Variants in GAREM1 observed in about 807,000 individuals in gnomAD.
GAREM1 encodes the protein GRB2 associated regulator of MAPK1 subtype 1.
In GAREM1, 26 loss-of-function variants were observed where a neutral mutation model predicts 71.3. The observed-to-expected ratio is 0.36, with a 90% CI of 0.27 to 0.51. GAREM1 has a LOEUF of 0.51. Ranked by LOEUF, GAREM1 falls within the 20% of genes least tolerant of loss-of-function variation. GAREM1 has a pLI of 0.95. For synonymous variants in GAREM1, 440 were observed against 433.2 expected, an observed-to-expected ratio of 1.02 and a Z score of -0.20; for missense variants, 1,026 against 1,103.1, an observed-to-expected ratio of 0.93 and a Z score of 0.99.
intron 3 of GAREM1, among the ~76,000 whole-genome samples, chr18:32,298,624 C>T (rs2047166553): frequency 6.6e-6 from 1 of 152,160 alleles, no homozygotes. Context: ...CATTTTGAAA[C>T]ACTGACGTAA....
chr18:32,454,489 T>G, intron 1 of GAREM1, among the ~76,000 whole-genome samples: 1 of 152,236 alleles, frequency 6.6e-6, no homozygotes, highest in East Asian at 1.9e-4. Flanking sequence ...GATTAAGTAG[T>G]ATAGCCAAAT....
chr18:32,336,831 C>T (rs927216843), intron 2 of GAREM1, among the ~76,000 whole-genome samples: 10 of 152,176 alleles, frequency 6.6e-5, no homozygotes, highest in Admixed American at 2.6e-4. Context: ...ACCAGCCCTT[C>T]GGTAAAACTA....
At position 32,340,093 on chromosome 18, in the gene GAREM1, C is replaced by G. The variant is rs934689517; in HGVS notation, c.263-29770G>C. On this transcript the variant is annotated intron_variant, in intron 2 of 5. Coordinates refer to ENST00000269209, the MANE Select transcript of GAREM1 (RefSeq NM_001242409.2). The stretch of plus-strand genomic sequence containing the variant: ...CCCTGTTCTCCAGTGGCACTTCTTG[C>G]ATGTCCTCATGGAGCTTATGTTCTC... Among the ~76,000 whole-genome samples, 13 of 152,212 alleles carry G rather than the reference C, an allele frequency of 8.5e-5. 1 individual carries two copies. Among genetic ancestry groups the G allele is most frequent in the Admixed American group, 8.5e-4 (13 of 15,280 alleles).
At position 32,348,130 on chromosome 18, in the gene GAREM1, A is replaced by G. The variant is rs917289679; in HGVS notation, c.263-37807T>C. ...GCTCTAAAAATTATCAAAAGGATAC[A>G]TTTGCCATAGAGCAATGCTAGGAGG... is the stretch of plus-strand genomic sequence containing the variant. On this transcript the variant is annotated intron_variant, in intron 2 of 5. Transcript: ENST00000269209. Among the ~76,000 whole-genome samples the G allele has an allele frequency of 2.0e-5, 3 of 152,328 alleles. No homozygotes were observed. The East Asian group carries it at 5.8e-4, about 29-fold the overall frequency.
chr18:32,463,849 G>A (rs1249181060), intron 1 of GAREM1, among the ~76,000 whole-genome samples: 1 of 151,762 alleles, frequency 6.6e-6, no homozygotes, highest in Non-Finnish European at 1.5e-5. Flanking sequence ...GATTACAGGC[G>A]TGAGCCACTG....
chr18:32,342,015 GA>G (rs71384937), intron 2 of GAREM1, among the ~76,000 whole-genome samples: 2 of 149,336 alleles, frequency 1.3e-5, no homozygotes, highest in African/African-American at 4.9e-5. Flanking sequence ...CACCAAAAAA[GA>G]AAAAAAAAGG....
intron 2 of GAREM1, among the ~76,000 whole-genome samples, chr18:32,318,566 T>C (rs1016046645): frequency 2.0e-5 from 3 of 152,212 alleles, no homozygotes; most frequent in East Asian, 3.9e-4. Context: ...GTCTGTCCAG[T>C]TTGCTTCTGG....
chr18:32,395,194 T>C (rs1227682358), intron 1 of GAREM1, among the ~76,000 whole-genome samples: 1 of 152,152 alleles, frequency 6.6e-6, no homozygotes, highest in Non-Finnish European at 1.5e-5. Context: ...GCTCTTCCAA[T>C]GCCACAATGT....
chr18:32,395,753 C>T lies in GAREM1; in HGVS notation c.122-2718G>A, dbSNP rs555717591. Among the ~76,000 whole-genome samples, 465 of 152,266 alleles carry T rather than the reference C, an allele frequency of 3.1e-3. 5 individuals are homozygous for T. The highest frequency in any genetic ancestry group is 0.011 in the African/African-American group (443 of 41,540). ...CCTATGGGGGCAGGGCATAGCCGAA[C>T]AAAAGGCAGCAGAAACCTCTGCAGA... is the stretch of plus-strand genomic sequence containing the variant. On this transcript the variant is annotated intron_variant, in intron 1 of 5. Transcript: ENST00000269209.
chr18:32,305,000 T>G (rs1306374377), intron 3 of GAREM1, among the ~76,000 whole-genome samples: 1 of 151,772 alleles, frequency 6.6e-6, no homozygotes, highest in Non-Finnish European at 1.5e-5. Flanking sequence ...AGAAACATGG[T>G]TGATGAAAAA....
intron 1 of GAREM1, among the ~76,000 whole-genome samples, chr18:32,402,197 T>C (rs1327076793): frequency 6.6e-6 from 1 of 152,160 alleles, no homozygotes; most frequent in African/African-American, 2.4e-5. Flanking sequence ...CTCAACAATG[T>C]AGTAATGAGA....
chr18:32,349,597 C>T (rs2047728524), intron 2 of GAREM1, among the ~76,000 whole-genome samples: 1 of 152,076 alleles, frequency 6.6e-6, no homozygotes, highest in Admixed American at 6.5e-5. Flanking sequence ...ATCAATGAAA[C>T]ATCATAAATT....
At chr18:32,392,020 A>T (rs1445119089) in intron 2 of GAREM1, among the ~76,000 whole-genome samples, 3 of 151,968 alleles carry the variant, frequency 2.0e-5, no homozygotes, top group African/African-American at 7.3e-5. Flanking sequence ...CCAAATAATA[A>T]CTCTCTGTGC....
chr18:32,443,606 G>T (rs2048761210), intron 1 of GAREM1, among the ~76,000 whole-genome samples: 1 of 152,094 alleles, frequency 6.6e-6, no homozygotes, highest in African/African-American at 2.4e-5. Flanking sequence ...ACTGCACTGG[G>T]ATGACTGTCA....
rs527671935 is a variant in GAREM1 at position 32,451,812 on chromosome 18, G to GGA, written c.121+18494_121+18495dup. On this transcript the variant is annotated intron_variant, in intron 1 of 5. Transcript: ENST00000269209. ...CACTGTTTGTATAACAAACATTGGA[G>GGA]GAGCATGTTTGCAAACAGGCACTGT... Among the ~76,000 whole-genome samples the GGA allele has an allele frequency of 5.3e-5, 8 of 152,282 alleles. No individual in the cohort carries two copies. The East Asian group carries it at 1.4e-3, about 26-fold the overall frequency.
intron 3 of GAREM1, among the ~76,000 whole-genome samples, chr18:32,296,765 T>A (rs1177463460): frequency 3.3e-5 from 5 of 151,004 alleles, no homozygotes. Context: ...GTACTTGAAC[T>A]CCTAGGCTCA....
chr18:32,290,098 T>C (rs1489151625), intron 3 of GAREM1, among the ~76,000 whole-genome samples: 1 of 151,546 alleles, frequency 6.6e-6, no homozygotes, highest in Non-Finnish European at 1.5e-5. Context: ...TATTATATAC[T>C]TTTATATCAT....
intron 1 of GAREM1, chr18:32,412,539 T>C (rs2048430494): frequency 1.3e-6 from 2 of 1,596,934 alleles, no homozygotes; most frequent in Admixed American, 3.3e-5. Context: ...GAAGTTGTCA[T>C]TCCCACCGAA....
intron 2 of GAREM1, among the ~76,000 whole-genome samples, chr18:32,379,470 G>C (rs1478220704): frequency 9.0e-6 from 1 of 111,198 alleles, no homozygotes; most frequent in Non-Finnish European, 1.8e-5. Flanking sequence ...CGGGGGGGGT[G>C]GGGGGCGGGG....
Sources: gnomAD v4.1 joint callset for allele counts (sites outside exome capture counted in the v4.1 genomes callset) on GRCh38, gnomAD v4.1.1 for gene constraint, MANE v1.5 for transcripts, NCBI Gene and HGNC (gene_info 2026-07-23, HGNC 2026-07-21) for gene names.